ART5: variants seen among roughly 807,000 people sequenced by gnomAD.
ART5 encodes ecto-ADP-ribosyltransferase 5.
In ART5, 22 loss-of-function variants were observed where a neutral mutation model predicts 25.0. The observed-to-expected ratio is 0.88, with a 90% CI of 0.63 to 1.26. The LOEUF (loss-of-function observed/expected upper bound fraction) is 1.26. ART5 is among the 50% of genes most tolerant of loss of function. ART5 has a pLI of 0.00. For synonymous variants in ART5, 161 were observed against 154.8 expected (o/e 1.04, Z -0.30); for missense variants, 402 against 372.8 (o/e 1.08, Z -0.64).
upstream of ART5, chr11:3,642,240 T>TCC: frequency 1.8e-6 from 2 of 1,102,738 alleles, no homozygotes; most frequent in Non-Finnish European, 2.2e-6. Context: ...CGCTGCGCTG[T>TCC]CCCCGGAGGA....
upstream of ART5, chr11:3,642,045 C>T (rs1017858122): frequency 3.0e-5 from 43 of 1,425,870 alleles, no homozygotes; most frequent in Non-Finnish European, 3.8e-5. Context: ...CCGCCCCCCG[C>T]CCCAAGTCTC....
intron 1 of ART5, 74 bp downstream of exon 1, chr11:3,641,732 A>G: frequency 6.5e-7 from 1 of 1,543,106 alleles, no homozygotes. Context: ...GTGAGGAGTC[A>G]GCCCCGGGTC....
Position 3,641,737 on chromosome 11 carries a change from C to T in ART5, c.57+69G>A, listed in dbSNP as rs977728425. ...GGAGAGGGATGTGAGGAGTCAGCCCCGGGTCCACTTCCTCAGGGTCTGTCC... is the reference window on the plus strand; with the variant it reads ...GGAGAGGGATGTGAGGAGTCAGCCCTGGGTCCACTTCCTCAGGGTCTGTCC... On this transcript the variant is annotated intron_variant, in intron 1 of 3. Transcript: ENST00000397068. The T allele has an allele frequency of 9.7e-6, 15 of 1,545,704 alleles. No homozygotes were observed. The African/African-American group carries it at 1.2e-4, about 13-fold the overall frequency.
At chr11:3,638,947 G>A in intron 3 of ART5, 56 bp downstream of exon 3, 1 of 1,572,468 alleles carries the variant, frequency 6.4e-7, no homozygotes, top group Non-Finnish European at 8.6e-7. Context: ...GGAGGAAGGG[G>A]TCAGCAGGGT....
intron 2 of ART5, 117 bp from the exon 3 acceptor site, chr11:3,639,152 A>C: frequency 1.7e-6 from 2 of 1,184,016 alleles, no homozygotes; most frequent in Non-Finnish European, 2.4e-6. Context: ...CTTCACCTAA[A>C]GGGAAACTTC....
upstream of ART5, chr11:3,642,150 A>G: frequency 7.8e-7 from 1 of 1,275,150 alleles, no homozygotes; most frequent in Non-Finnish European, 9.9e-7. Context: ...TCCGCCTGAG[A>G]GGGGAGGGCC....
Position 3,638,631 on chromosome 11 carries a change from C to T in ART5, c.*107G>A, listed in dbSNP as rs1220403830. 7.2e-7 allele frequency: 1 copy of T among 1,380,330 alleles called. No individual in the cohort carries two copies. Among genetic ancestry groups the T allele is most frequent in the Non-Finnish European group, 1.0e-6 (1 of 974,680 alleles). The allele number at this position is 1,380,330 out of a possible 1,614,324, so 85.5% of individuals were successfully genotyped here. On this transcript the variant is annotated 3_prime_UTR_variant, in exon 4 of 4. Transcript: ENST00000397068. The stretch of plus-strand genomic sequence containing the variant: ...CTTTCCTTGCTTGTCCCAGGAAGTC[C>T]CCATCACATAGCAGAGTTCCCTCAG...
At position 3,640,154 on chromosome 11, in the gene ART5, T is replaced by C. The variant is rs952876903; in HGVS notation, c.275A>G (p.Asn92Ser). ...GGTGTAGACCATAATGGCTATTCCA[T>C]TCTGGGCTTTGAAGCCAGGGGGCAA... ...LTLPPGFKAQ[N>S]GIAIMVYTNS... Residue 92 changes from asparagine (N) to serine (S), a missense_variant, in exon 2 of 4, where the codon AAT (asparagine) becomes AGT (serine). Transcript: ENST00000397068. The C allele has an allele frequency of 3.3e-5, 54 of 1,614,052 alleles. No homozygotes were observed. Among genetic ancestry groups the C allele is most frequent in the Non-Finnish European group, 4.2e-5 (50 of 1,180,052 alleles).
Position 3,639,841 on chromosome 11 carries a change from A to G in ART5, c.588T>C (p.Asn196=), listed in dbSNP as rs745866899. The G allele has an allele frequency of 3.1e-6, 5 of 1,614,224 alleles. No homozygotes were observed. In the South Asian group the frequency reaches 5.5e-5, roughly 18 times the overall value. Residue 196 remains asparagine, a synonymous_variant, in exon 2 of 4, where the codon AAT becomes AAC. Coordinates refer to ENST00000397068, the MANE Select transcript of ART5 (RefSeq NM_053017.5). ...LDKAVAHRFG[N]ATLFSLTTCF... ...AAGTTGTTAGAGAGAAGAGGGTGGCATTACCAAATCTGTGGGCCACTGCCT... is the reference window on the plus strand; with the variant it reads ...AAGTTGTTAGAGAGAAGAGGGTGGCGTTACCAAATCTGTGGGCCACTGCCT...
Position 3,638,998 on chromosome 11 carries a change from C to T in ART5, c.820+5G>A, listed in dbSNP as rs1175423566. On this transcript the variant is annotated splice_donor_5th_base_variant and intron_variant, in intron 3 of 3. Transcript: ENST00000397068. ...CAGCTGAAGGAGGATGGAAGGGCAA[C>T]TCACCTGGCGCAGACACACAGCCCC... is the stretch of plus-strand genomic sequence containing the variant. The T allele has an allele frequency of 6.4e-7, 1 of 1,555,486 alleles. No individual in the cohort carries two copies. Among genetic ancestry groups the T allele is most frequent in the Non-Finnish European group, 8.7e-7 (1 of 1,149,212 alleles).
Position 3,639,875 on chromosome 11 carries a change from G to A in ART5, c.554C>T (p.Ser185Phe), listed in dbSNP as rs768221945. 1.2e-6 allele frequency: 2 copies of A among 1,614,044 alleles called. No homozygotes were observed. The highest frequency in any genetic ancestry group is 2.7e-5 in the African/African-American group (2 of 74,936). Reference protein sequence around the residue: ...SVRLGQFASSSLDKAVAHRFG... With the variant: ...SVRLGQFASSFLDKAVAHRFG... ...TCTGTGGGCCACTGCCTTATCCAGGGAGCTGGAGGCAAACTGGCCCAAGCG... is the reference window on the plus strand; with the variant it reads ...TCTGTGGGCCACTGCCTTATCCAGGAAGCTGGAGGCAAACTGGCCCAAGCG... Residue 185 changes from serine to phenylalanine, a missense_variant, in exon 2 of 4, where the codon TCC (serine) becomes TTC (phenylalanine). Physicochemically the swap from Ser to Phe is radical, Grantham distance 155 (BLOSUM62 -2). Coordinates refer to ENST00000397068, the MANE Select transcript of ART5 (RefSeq NM_053017.5).
In ART5 at chr11:3,638,590, A is replaced by G. The variant is rs2077346084; in HGVS notation, c.*148T>C. The G allele has an allele frequency of 1.1e-6, 1 of 923,442 alleles. No individual in the cohort carries two copies. The highest frequency in any genetic ancestry group is 1.7e-6 in the Non-Finnish European group (1 of 581,126). The allele number at this position is 923,442 out of a possible 1,614,324, so 57.2% of individuals were successfully genotyped here. A position where few individuals can be genotyped will look rare whatever the true frequency, so the allele number is the denominator to read the frequency against. ...TCCACATTGCAACACCGTTCAATCA[A>G]GTGGCTGCCTCAGTACTTTCCTTGC... On this transcript the variant is annotated 3_prime_UTR_variant, in exon 4 of 4. Coordinates refer to ENST00000397068, the MANE Select transcript of ART5 (RefSeq NM_053017.5).
chr11:3,641,673 G>A lies in ART5; in HGVS notation c.57+133C>T, dbSNP rs190740758. 4.9e-4 allele frequency: 713 copies of A among 1,457,710 alleles called. 1 individual carries two copies. In the African/African-American group the frequency reaches 8.1e-3, roughly 17 times the overall value. 90.3% of individuals were successfully genotyped at this position (1,457,710 alleles called of 1,614,324 possible). A position where few individuals can be genotyped will look rare whatever the true frequency, so the allele number is the denominator to read the frequency against. On this transcript the variant is annotated intron_variant, in intron 1 of 3. Coordinates refer to ENST00000397068, the MANE Select transcript of ART5 (RefSeq NM_053017.5). ...CTGCAGAGATGGAGGTTCCTGAGAGGAAGAGAGTTAAGAGTGGAATCCTAG... is the reference window on the plus strand; with the variant it reads ...CTGCAGAGATGGAGGTTCCTGAGAGAAAGAGAGTTAAGAGTGGAATCCTAG...
rs1019865067 is a variant in ART5, at chr11:3,639,945, C to T, written c.484G>A (p.Val162Met). ...RGPGEVVFRG[V>M]GSLRFEPKRL... ...TTGGGTTCAAAGCGAAGGCTGCCCA[C>T]ACCTCGGAACACCACCTCCCCAGGT... is the stretch of plus-strand genomic sequence containing the variant. Residue 162 changes from valine to methionine, a missense_variant, in exon 2 of 4, where the codon GTG (valine) becomes ATG (methionine). Coordinates refer to ENST00000397068, the MANE Select transcript of ART5 (RefSeq NM_053017.5). 3.1e-6 allele frequency: 5 copies of T among 1,614,162 alleles called. No individual in the cohort carries two copies. Among genetic ancestry groups the T allele is most frequent in the African/African-American group, 1.3e-5 (1 of 75,060 alleles).
intron 1 of ART5, among the ~76,000 whole-genome samples, chr11:3,641,416 T>C (rs1447325568): frequency 6.6e-6 from 1 of 152,196 alleles, no homozygotes; most frequent in African/African-American, 2.4e-5. Flanking sequence ...CTGTGAGCTC[T>C]GAGACGCCTG....
At chr11:3,642,351 C>CG (rs1217578088), upstream of ART5, 2 of 959,204 alleles carry the variant, frequency 2.1e-6, no homozygotes, top group Non-Finnish European at 2.5e-6. Context: ...GGGCCGGGAG[C>CG]GGGCGCGCCA....
At position 3,639,751 on chromosome 11, in the gene ART5, G is replaced by T. The variant is rs763578150; in HGVS notation, c.678C>A (p.Pro226=). The change falls in exon 2 of 4, where the codon CCC becomes CCA. Residue 226 remains proline, a synonymous_variant. Transcript: ENST00000397068. The part of the protein sequence containing the change: ...FPKEREVLIP[P]HEVFLVTRFS... ...ATCTGGTAACCAAAAAGACTTCATG[G>T]GGGGGAATCAGCACCTCGCGCTCCT... is the stretch of plus-strand genomic sequence containing the variant. 1 of 1,614,146 alleles carries T rather than the reference G, an allele frequency of 6.2e-7. No individual in the cohort carries two copies. The highest frequency in any genetic ancestry group is 8.5e-7 in the Non-Finnish European group (1 of 1,180,024).
At chr11:3,638,854 C>T in intron 3 of ART5, 61 bp from the exon 4 acceptor site, 1 of 1,614,028 alleles carries the variant, frequency 6.2e-7, no homozygotes, top group Middle Eastern at 1.6e-4. Flanking sequence ...TCTCCAGGGG[C>T]CAAGAGCAGA....
chr11:3,639,545 A>T (rs1210168642), intron 2 of ART5, 97 bp downstream of exon 2: 1 of 1,490,258 alleles, frequency 6.7e-7, no homozygotes, highest in East Asian at 2.3e-5. Flanking sequence ...CCCTTTAACC[A>T]AGTGGGTCTC....
Sources: gnomAD v4.1 joint callset for allele counts (sites outside exome capture counted in the v4.1 genomes callset) on GRCh38, gnomAD v4.1.1 for gene constraint, MANE v1.5 for transcripts, NCBI Gene and HGNC (gene_info 2026-07-23, HGNC 2026-07-21) for gene names.